Variants in RPF2 observed in about 807,000 individuals in gnomAD.
RPF2 encodes brix domain containing 1.
Under a neutral mutation model 38.9 loss-of-function variants are expected in RPF2, and 21 were observed. The ratio of observed to expected loss-of-function variants is 0.54; its 90% confidence interval spans 0.38 to 0.78. RPF2 has a LOEUF of 0.78. RPF2 is among the 30% of genes least tolerant of loss of function. The pLI is 0.00. For missense variants in RPF2, 314 were observed against 358.1 expected (o/e 0.88, Z 0.99); for synonymous variants, 121 against 126.2 (o/e 0.96, Z 0.28).
At chr6:111,003,535 C>T (rs1771850257) in intron 6 of RPF2, among the ~76,000 whole-genome samples, 1 of 152,096 alleles carries the variant, frequency 6.6e-6, no homozygotes, top group South Asian at 2.1e-4. Flanking sequence ...TAATATTAGA[C>T]TCTACCAGGA....
intron 7 of RPF2, among the ~76,000 whole-genome samples, chr6:111,011,308 C>CTTTCT (rs1554249801): frequency 4.0e-3 from 353 of 88,284 alleles, no homozygotes; most frequent in African/African-American, 7.7e-3. Flanking sequence ...TTCTTTCTTT[C>CTTTCT]TTTTTTTTTT....
chr6:110,992,026 G>T (rs971880041), intron 4 of RPF2, among the ~76,000 whole-genome samples: 1 of 152,128 alleles, frequency 6.6e-6, no homozygotes, highest in Non-Finnish European at 1.5e-5. Flanking sequence ...TTAAAACTTG[G>T]CCGGGCGCGG....
chr6:111,025,642 C>A lies in RPF2; in HGVS notation c.*60C>A, dbSNP rs532316758. ...TCTACTTAAGAGAATTATCAAGCGTCAATCCATTCAGAGTTTCTTATAAGA... is the reference window on the plus strand; with the variant it reads ...TCTACTTAAGAGAATTATCAAGCGTAAATCCATTCAGAGTTTCTTATAAGA... On this transcript the variant is annotated 3_prime_UTR_variant, in exon 10 of 10. Transcript: ENST00000441448. 9.3e-5 allele frequency: 114 copies of A among 1,225,988 alleles called. No homozygotes were observed. The African/African-American group carries it at 1.7e-3, about 18-fold the overall frequency. The allele number at this position is 1,225,988 out of a possible 1,614,324, so 75.9% of individuals were successfully genotyped here.
At chr6:111,004,173 A>ATTTTAT (rs1199790038) in intron 6 of RPF2, among the ~76,000 whole-genome samples, 31 of 151,126 alleles carry the variant, frequency 2.1e-4, no homozygotes, top group Non-Finnish European at 2.9e-4. Flanking sequence ...TGTGACTAGC[A>ATTTTAT]TTTTATTTTT....
chr6:111,003,893 A>G (rs1282313444), intron 6 of RPF2, among the ~76,000 whole-genome samples: 1 of 151,386 alleles, frequency 6.6e-6, no homozygotes, highest in African/African-American at 2.4e-5. Context: ...GCTCACTGCA[A>G]CCTCTGCCTC....
chr6:111,020,395 C>T (rs1053385548), intron 8 of RPF2, among the ~76,000 whole-genome samples: 16 of 152,022 alleles, frequency 1.1e-4, no homozygotes, highest in African/African-American at 3.6e-4. Flanking sequence ...AAAAATATAA[C>T]GGTAAAAAAT....
At chr6:110,995,568 T>C (rs1771696757) in intron 4 of RPF2, among the ~76,000 whole-genome samples, 1 of 152,140 alleles carries the variant, frequency 6.6e-6, no homozygotes. Flanking sequence ...CTTTCATCTG[T>C]TTTTTTCTTT....
At chr6:110,986,126 G>A (rs780811677) in intron 2 of RPF2, among the ~76,000 whole-genome samples, 5 of 152,152 alleles carry the variant, frequency 3.3e-5, no homozygotes, top group Non-Finnish European at 7.3e-5. Flanking sequence ...TTGGAGAACT[G>A]TAAATAATTG....
At chr6:111,024,440 G>GTGAGCCAC in intron 9 of RPF2, 113 bp downstream of exon 9, 1 of 1,048,740 alleles carries the variant, frequency 9.5e-7, no homozygotes, top group Non-Finnish European at 1.3e-6. Flanking sequence ...CAGGCCAGGC[G>GTGAGCCAC]CGGTGGCTCA....
At chr6:110,984,116 A>G (rs1427584630) in intron 1 of RPF2, among the ~76,000 whole-genome samples, 2 of 152,212 alleles carry the variant, frequency 1.3e-5, no homozygotes, top group Admixed American at 6.5e-5. Flanking sequence ...CCATGTAAAC[A>G]TCAGCCTTAT....
At chr6:111,013,209 CT>C (rs1772049525) in intron 7 of RPF2, among the ~76,000 whole-genome samples, 1 of 152,136 alleles carries the variant, frequency 6.6e-6, no homozygotes, top group Admixed American at 6.6e-5. Context: ...TGCAGGGCCC[CT>C]GATAGAAAAA....
intron 1 of RPF2, among the ~76,000 whole-genome samples, chr6:110,983,749 C>T (rs950814680): frequency 2.0e-5 from 3 of 151,830 alleles, no homozygotes; most frequent in African/African-American, 7.3e-5. Flanking sequence ...TTGTAACTCG[C>T]GCGTGGAGGC....
intron 8 of RPF2, among the ~76,000 whole-genome samples, chr6:111,022,526 A>G (rs1224996152): frequency 1.3e-5 from 2 of 152,244 alleles, no homozygotes; most frequent in Non-Finnish European, 2.9e-5. Flanking sequence ...ATTGTACTTA[A>G]TTCTTTAATG....
intron 7 of RPF2, among the ~76,000 whole-genome samples, chr6:111,008,898 CTTT>C (rs57167034): frequency 8.3e-6 from 1 of 120,406 alleles, no homozygotes. Flanking sequence ...TTCCTGGCTC[CTTT>C]TTTTTTTTTT....
intron 4 of RPF2, among the ~76,000 whole-genome samples, chr6:110,992,814 C>T (rs1020354184): frequency 6.6e-6 from 1 of 152,082 alleles, no homozygotes; most frequent in Non-Finnish European, 1.5e-5. Flanking sequence ...CAGTAGCTCA[C>T]GCCTGTAATC....
intron 7 of RPF2, among the ~76,000 whole-genome samples, 170 bp from the exon 8 acceptor site, chr6:111,015,584 G>A (rs1207182942): frequency 6.6e-6 from 1 of 152,184 alleles, no homozygotes; most frequent in East Asian, 1.9e-4. Flanking sequence ...CCAAAATAAA[G>A]TCATGAGATT....
intron 3 of RPF2, among the ~76,000 whole-genome samples, chr6:110,989,746 C>T (rs57501113): frequency 0.11 from 16,233 of 151,566 alleles, 990 homozygotes; most frequent in Middle Eastern, 0.17. Context: ...CTGCCTCAGC[C>T]TCCTGAGTTG....
intron 2 of RPF2, among the ~76,000 whole-genome samples, chr6:110,988,176 C>T (rs567268181): frequency 8.7e-4 from 133 of 152,008 alleles, no homozygotes; most frequent in Non-Finnish European, 1.7e-3. Flanking sequence ...GCACTCCAGC[C>T]TGGGCAACAG....
At chr6:111,023,901 T>A (rs1011427643) in intron 8 of RPF2, among the ~76,000 whole-genome samples, 2 of 151,686 alleles carry the variant, frequency 1.3e-5, no homozygotes, top group Non-Finnish European at 2.9e-5. Context: ...GGCAGGAGAA[T>A]GGCGTGAACC....
Sources: gnomAD v4.1 joint callset for allele counts (sites outside exome capture counted in the v4.1 genomes callset) on GRCh38, gnomAD v4.1.1 for gene constraint, MANE v1.5 for transcripts, NCBI Gene and HGNC (gene_info 2026-07-23, HGNC 2026-07-21) for gene names.